Variants in TENM2 observed in about 807,000 individuals in gnomAD.
The protein encoded by TENM2 is teneurin transmembrane protein 2.
A neutral mutation model predicts 245.2 loss-of-function variants in TENM2; 52 were observed. The observed-to-expected ratio is 0.21, with a 90% CI of 0.17 to 0.27. The LOEUF is 0.27. TENM2 is among the 10% of genes least tolerant of loss of function. The probability of loss-of-function intolerance (pLI) is 1.00; values close to 1 mark genes in which losing one functional copy is unlikely to be tolerated. For missense variants in TENM2, 3,046 were observed against 3,666.8 expected, an observed-to-expected ratio of 0.83 and a Z score of 4.37; for synonymous variants, 1,363 against 1,438.9, an observed-to-expected ratio of 0.95 and a Z score of 1.19.
intron 5 of TENM2, among the ~76,000 whole-genome samples, chr5:168,032,176 G>T (rs1787207482): frequency 6.6e-6 from 1 of 152,192 alleles, no homozygotes; most frequent in South Asian, 2.1e-4. Flanking sequence ...CCATAGTTAA[G>T]CTAAACCATG....
At chr5:167,128,608 C>A in the TENM2 span, among the ~76,000 whole-genome samples, 20 of 151,692 alleles carry the variant, frequency 1.3e-4, no homozygotes, top group East Asian at 3.7e-3. Context: ...AATACCAAAG[C>A]TCTACTTATG....
chr5:167,195,643 C>T, the TENM2 span, among the ~76,000 whole-genome samples: 1 of 151,832 alleles, frequency 6.6e-6, no homozygotes, highest in East Asian at 1.9e-4. Context: ...AGTTACAATA[C>T]CAGGCTGCAG....
chr5:167,265,665 C>G, the TENM2 span, among the ~76,000 whole-genome samples: 1 of 152,040 alleles, frequency 6.6e-6, no homozygotes, highest in Non-Finnish European at 1.5e-5. Flanking sequence ...GACTCTCCAC[C>G]CTTCGTCTCT....
intron 2 of TENM2, among the ~76,000 whole-genome samples, chr5:167,438,511 C>T (rs191216424): frequency 1.8e-3 from 270 of 152,238 alleles, no homozygotes; most frequent in African/African-American, 6.1e-3. Context: ...CCTGCCTCAG[C>T]CTCCCAAGTA....
At chr5:168,184,166 G>A (rs1191318479) in intron 13 of TENM2, among the ~76,000 whole-genome samples, 1 of 152,188 alleles carries the variant, frequency 6.6e-6, no homozygotes, top group Non-Finnish European at 1.5e-5. Context: ...GGGTCAGAGA[G>A]TACTCTTCAA....
chr5:167,826,827 T>A (rs759965872), intron 2 of TENM2, among the ~76,000 whole-genome samples: 2 of 152,246 alleles, frequency 1.3e-5, no homozygotes, highest in Non-Finnish European at 2.9e-5. Context: ...AATGAGATCA[T>A]GCACATTGAG....
intron 5 of TENM2, among the ~76,000 whole-genome samples, chr5:168,024,224 T>C (rs1022267877): frequency 2.6e-5 from 4 of 152,134 alleles, no homozygotes; most frequent in African/African-American, 7.2e-5. Flanking sequence ...AGGAGAAATA[T>C]ATCCATTAGC....
the TENM2 span, among the ~76,000 whole-genome samples, chr5:167,128,624 T>C: frequency 6.6e-6 from 1 of 152,060 alleles, no homozygotes; most frequent in African/African-American, 2.4e-5. Flanking sequence ...TTATGGACAC[T>C]TCACTGAAGC....
At chr5:168,222,199 G>A (rs1315245604) in intron 23 of TENM2, among the ~76,000 whole-genome samples, 3 of 152,184 alleles carry the variant, frequency 2.0e-5, no homozygotes, top group Non-Finnish European at 4.4e-5. Flanking sequence ...TGCACATTAG[G>A]TCTTTTTAAT....
chr5:168,106,438 T>C (rs1426548681), intron 9 of TENM2, among the ~76,000 whole-genome samples: 2 of 152,192 alleles, frequency 1.3e-5, no homozygotes, highest in Admixed American at 1.3e-4. Flanking sequence ...AATTATGTCA[T>C]TGAATCATCA....
intron 2 of TENM2, among the ~76,000 whole-genome samples, chr5:167,567,143 AT>A: frequency 6.6e-6 from 1 of 152,342 alleles, no homozygotes; most frequent in Admixed American, 6.5e-5. Flanking sequence ...GGATATAAAA[AT>A]CGACCCAAAT....
At chr5:167,371,752 A>G (rs1429300446) in intron 1 of TENM2, among the ~76,000 whole-genome samples, 1 of 152,120 alleles carries the variant, frequency 6.6e-6, no homozygotes, top group Non-Finnish European at 1.5e-5. Context: ...ATTAGACTGT[A>G]AATGTCATGG....
chr5:168,117,358 A>T (rs1795153992), intron 9 of TENM2, among the ~76,000 whole-genome samples: 1 of 152,208 alleles, frequency 6.6e-6, no homozygotes, highest in African/African-American at 2.4e-5. Context: ...CAATGACAGT[A>T]GTCCCTCCTT....
intron 25 of TENM2, among the ~76,000 whole-genome samples, chr5:168,243,936 G>A (rs1330768439): frequency 1.4e-4 from 19 of 138,966 alleles, no homozygotes; most frequent in African/African-American, 2.1e-4. Context: ...TCTTTTCTTT[G>A]GTTTTTTTTT....
At chr5:167,427,947 A>AGGGACG in intron 2 of TENM2, among the ~76,000 whole-genome samples, 1 of 146,632 alleles carries the variant, frequency 6.8e-6, no homozygotes, top group Non-Finnish European at 1.5e-5. Context: ...AAGGGAAGGA[A>AGGGACG]GGAAGGAAGG....
chr5:168,051,430 C>T (rs936479532), intron 6 of TENM2, among the ~76,000 whole-genome samples: 4 of 152,154 alleles, frequency 2.6e-5, no homozygotes, highest in Admixed American at 2.6e-4. Flanking sequence ...CCCAAAAAGC[C>T]TAAAATATTC....
chr5:167,444,057 AT>A (rs1473104045), intron 2 of TENM2, among the ~76,000 whole-genome samples: 4 of 152,062 alleles, frequency 2.6e-5, no homozygotes, highest in Admixed American at 1.3e-4. Flanking sequence ...TATTTCCTTA[AT>A]TTGTAGTGAC....
At chr5:167,958,441 G>C (rs1422233535) in intron 4 of TENM2, among the ~76,000 whole-genome samples, 1 of 152,160 alleles carries the variant, frequency 6.6e-6, no homozygotes, top group Non-Finnish European at 1.5e-5. Flanking sequence ...CAATTTGCCA[G>C]TCTGTGTCTT....
the TENM2 span, among the ~76,000 whole-genome samples, chr5:167,150,152 T>A: frequency 6.6e-6 from 1 of 152,292 alleles, no homozygotes; most frequent in South Asian, 2.1e-4. Flanking sequence ...TTGATCTGTA[T>A]AAAAGACACC....
Sources: gnomAD v4.1 joint callset for allele counts (sites outside exome capture counted in the v4.1 genomes callset) on GRCh38, gnomAD v4.1.1 for gene constraint, MANE v1.5 for transcripts, NCBI Gene and HGNC (gene_info 2026-07-23, HGNC 2026-07-21) for gene names.